Variants in SGIP1 observed in about 807,000 individuals in gnomAD.
SGIP1 encodes SH3-containing GRB2-like protein 3-interacting protein 1.
In SGIP1, 38 loss-of-function variants were observed where a neutral mutation model predicts 107.5. The ratio of observed to expected loss-of-function variants is 0.35; its 90% confidence interval spans 0.27 to 0.46. The LOEUF (loss-of-function observed/expected upper bound fraction) is 0.46, where lower values mean the gene tolerates loss of function less well. SGIP1 is among the 20% of genes least tolerant of loss of function. The probability of loss-of-function intolerance (pLI) is 1.00; values close to 1 mark genes in which losing one functional copy is unlikely to be tolerated. For missense variants in SGIP1, 929 were observed against 1,019.5 expected (o/e 0.91, Z 1.21); for synonymous variants, 365 against 366.1 (o/e 1.00, Z 0.03).
rs1002205199 is a variant in SGIP1 at position 66,744,951 on chromosome 1, C to A, written c.*1856C>A. 2.0e-5 allele frequency: 3 copies of A among 152,194 alleles called. No homozygotes were observed. Among genetic ancestry groups the A allele is most frequent in the Non-Finnish European group, 4.4e-5 (3 of 67,870 alleles). 9.4% of individuals were successfully genotyped at this position (152,194 alleles called of 1,614,324 possible). ...CCATGAAACATGGAATTTATGACAC[C>A]AAAATCAATGGAGAGTAAGCAGCAG... On this transcript the variant is annotated 3_prime_UTR_variant, in exon 25 of 25. Coordinates refer to ENST00000371037, the MANE Select transcript of SGIP1 (RefSeq NM_032291.4).
intron 1 of SGIP1, among the ~76,000 whole-genome samples, chr1:66,615,157 G>A (rs1249858505): frequency 2.6e-5 from 4 of 151,320 alleles, no homozygotes; most frequent in Admixed American, 2.0e-4. Flanking sequence ...TTTCCGAAAC[G>A]GAATTTTGCT....
chr1:66,682,585 C>T (rs1293131649), intron 15 of SGIP1, among the ~76,000 whole-genome samples: 1 of 152,070 alleles, frequency 6.6e-6, no homozygotes, highest in Non-Finnish European at 1.5e-5. Context: ...GCACTCCCAG[C>T]CCTTAGGTGT....
intron 1 of SGIP1, among the ~76,000 whole-genome samples, chr1:66,548,391 A>G (rs770342006): frequency 2.0e-5 from 3 of 152,084 alleles, no homozygotes; most frequent in Non-Finnish European, 2.9e-5. Flanking sequence ...CACCATCACT[A>G]TTGAGGTCGG....
At chr1:66,678,962 A>C (rs1158647162) in intron 13 of SGIP1, among the ~76,000 whole-genome samples, 1 of 152,214 alleles carries the variant, frequency 6.6e-6, no homozygotes, top group Non-Finnish European at 1.5e-5. Context: ...AAAGAGGAAG[A>C]AGAAATGAAC....
intron 15 of SGIP1, chr1:66,684,297 C>A: frequency 6.8e-7 from 1 of 1,465,934 alleles, no homozygotes; most frequent in Admixed American, 2.1e-5. Context: ...CCCATCTACA[C>A]TGCACAGTGT....
At chr1:66,598,752 G>A (rs1458369166) in intron 1 of SGIP1, among the ~76,000 whole-genome samples, 1 of 152,150 alleles carries the variant, frequency 6.6e-6, no homozygotes, top group Non-Finnish European at 1.5e-5. Context: ...CGAAGAGATG[G>A]TGCTAAACCA....
intron 1 of SGIP1, among the ~76,000 whole-genome samples, chr1:66,567,452 T>A (rs1236540498): frequency 6.6e-6 from 1 of 152,182 alleles, no homozygotes; most frequent in Non-Finnish European, 1.5e-5. Flanking sequence ...ATTCTGTATG[T>A]TGCCTGATCA....
rs573297208 is a variant in SGIP1, at chr1:66,660,544, C to G, written c.471+20C>G. ...AGTCCGGTAAGAAATAAGTCCTTCCCGCTTTTGGGGCAAACATTATTTATT... is the reference window on the plus strand; with the variant it reads ...AGTCCGGTAAGAAATAAGTCCTTCCGGCTTTTGGGGCAAACATTATTTATT... On this transcript the variant is annotated intron_variant, in intron 8 of 24. Transcript: ENST00000371037. The G allele has an allele frequency of 6.2e-7, 1 of 1,604,296 alleles. No homozygotes were observed.
chr1:66,621,066 C>T (rs6588211), intron 1 of SGIP1, among the ~76,000 whole-genome samples: 21,792 of 152,114 alleles, frequency 0.14, 1,624 homozygotes, highest in African/African-American at 0.18. Flanking sequence ...ATTAATATAA[C>T]ATTGTGATTT....
At chr1:66,666,871 A>G (rs1571518667) in intron 8 of SGIP1, 1 of 152,382 alleles carries the variant, frequency 6.6e-6, no homozygotes, top group East Asian at 1.9e-4. Flanking sequence ...GCTGCTGGAC[A>G]GTTTTCGTCA....
intron 3 of SGIP1, among the ~76,000 whole-genome samples, chr1:66,635,206 A>G (rs2075543825): frequency 6.6e-6 from 1 of 152,218 alleles, no homozygotes; most frequent in Non-Finnish European, 1.5e-5. Context: ...CTGAGGTTTA[A>G]CCTATAGAGG....
At chr1:66,617,115 A>G (rs935858500) in intron 1 of SGIP1, among the ~76,000 whole-genome samples, 7 of 152,252 alleles carry the variant, frequency 4.6e-5, no homozygotes, top group Admixed American at 4.6e-4. Flanking sequence ...GACCAAAACC[A>G]CATGCCGACC....
At chr1:66,697,286 C>T (rs1290055515) in intron 18 of SGIP1, among the ~76,000 whole-genome samples, 1 of 152,140 alleles carries the variant, frequency 6.6e-6, no homozygotes, top group Non-Finnish European at 1.5e-5. Flanking sequence ...TAACATATCA[C>T]ATTTTATGAA....
chr1:66,716,992 T>G (rs986954373), intron 18 of SGIP1, among the ~76,000 whole-genome samples: 4 of 151,754 alleles, frequency 2.6e-5, no homozygotes, highest in African/African-American at 7.3e-5. Context: ...TGGACCTCCT[T>G]CCTTCTACAC....
At chr1:66,592,673 G>A (rs1204729628) in intron 1 of SGIP1, among the ~76,000 whole-genome samples, 1 of 152,150 alleles carries the variant, frequency 6.6e-6, no homozygotes, top group Non-Finnish European at 1.5e-5. Flanking sequence ...GGGCAAATGT[G>A]TAACAACACG....
chr1:66,602,655 T>C (rs1477466118), intron 1 of SGIP1, among the ~76,000 whole-genome samples: 1 of 151,430 alleles, frequency 6.6e-6, no homozygotes, highest in Non-Finnish European at 1.5e-5. Flanking sequence ...AATAAATAAA[T>C]AAATAAATAA....
chr1:66,672,173 C>A (rs1318036267), intron 11 of SGIP1, among the ~76,000 whole-genome samples, 178 bp downstream of exon 11: 1 of 152,154 alleles, frequency 6.6e-6, no homozygotes, highest in Admixed American at 6.5e-5. Context: ...AAGTGCAGCC[C>A]AAGGGAGACC....
At chr1:66,729,883 C>A (rs547040102) in intron 20 of SGIP1, among the ~76,000 whole-genome samples, 1 of 152,262 alleles carries the variant, frequency 6.6e-6, no homozygotes, top group South Asian at 2.1e-4. Flanking sequence ...CTCTCTGCAA[C>A]CTCCGCCTCC....
chr1:66,657,912 A>G (rs941505987), intron 7 of SGIP1, among the ~76,000 whole-genome samples: 1 of 152,170 alleles, frequency 6.6e-6, no homozygotes, highest in Non-Finnish European at 1.5e-5. Context: ...AATCGAAAAC[A>G]TCTTTGTTTT....
Sources: gnomAD v4.1 joint callset for allele counts (sites outside exome capture counted in the v4.1 genomes callset) on GRCh38, gnomAD v4.1.1 for gene constraint, MANE v1.5 for transcripts, NCBI Gene and HGNC (gene_info 2026-07-23, HGNC 2026-07-21) for gene names.